Variants in MC4R observed in about 807,000 individuals in gnomAD.
MC4R encodes melanocortin receptor 4.
In MC4R, 15 loss-of-function variants were observed where a neutral mutation model predicts 16.1. That is an observed-to-expected ratio of 0.93 (90% CI 0.62 to 1.44). The LOEUF (loss-of-function observed/expected upper bound fraction) is 1.44. Among genes scored for constraint, MC4R ranks in the 40% most tolerant of loss-of-function variants. MC4R has a pLI of 0.00. For missense variants in MC4R, 416 were observed against 411.4 expected, an observed-to-expected ratio of 1.01 and a Z score of -0.10; for synonymous variants, 162 against 151.7, an observed-to-expected ratio of 1.07 and a Z score of -0.50.
In MC4R at chr18:60,372,150, A is replaced by C; in HGVS notation, c.200T>G (p.Val67Gly). ...ISLLENILVI[V>G]AIAKNKNLHS... ...CAGATTCTTGTTCTTGGCTATTGCC[A>C]CAATCACTAAGATATTCTCCAACAA... Residue 67 changes from valine to glycine, a missense_variant, in exon 1 of 1, where the codon GTG becomes GGG. By Grantham distance (109) the Val-to-Gly change is moderately radical. Coordinates refer to ENST00000299766, the MANE Select transcript of MC4R (RefSeq NM_005912.3). The C allele has an allele frequency of 6.2e-7, 1 of 1,614,256 alleles. No homozygotes were observed. Among genetic ancestry groups the C allele is most frequent in the African/African-American group, 1.3e-5 (1 of 75,076 alleles).
At position 60,371,314 on chromosome 18, in the gene MC4R, C is replaced by G. The variant is rs377576645; in HGVS notation, c.*37G>C. 6 of 1,610,716 alleles carry G rather than the reference C, an allele frequency of 3.7e-6. No homozygotes were observed. In the African/African-American group the frequency reaches 8.0e-5, roughly 22 times the overall value. On this transcript the variant is annotated 3_prime_UTR_variant, in exon 1 of 1. Coordinates refer to ENST00000299766, the MANE Select transcript of MC4R (RefSeq NM_005912.3). ...AGGTAGGGTAAGAGTGAAAAAGTCT[C>G]TTATGCATGTTCCTATATTGCGTGC...
rs121913563 is a variant in MC4R at position 60,371,827 on chromosome 18, C to T, written c.523G>A (p.Ala175Thr). 2.8e-4 allele frequency: 447 copies of T among 1,613,960 alleles called. 3 individuals are homozygous for T. The highest frequency in any genetic ancestry group is 2.3e-4 in the Admixed American group (14 of 59,998). The change falls in exon 1 of 1, where the codon GCA becomes ACA. Residue 175 changes from alanine to threonine, a missense_variant. By Grantham distance (58) the Ala-to-Thr change is moderately conservative. Coordinates refer to ENST00000299766, the MANE Select transcript of MC4R (RefSeq NM_005912.3). Reference sequence around the variant, plus strand: ...AAAATGCCTGAAACCGTGCAAGCTGCCCAGATACAACTTATGATGATCCCA... The same window carrying T: ...AAAATGCCTGAAACCGTGCAAGCTGTCCAGATACAACTTATGATGATCCCA... Reference protein sequence around the residue: ...RVGIIISCIWAACTVSGILFI... With the variant: ...RVGIIISCIWTACTVSGILFI...
chr18:60,371,696 C>T lies in MC4R; in HGVS notation c.654G>A (p.Met218Ile), dbSNP rs1426984702. Reference protein sequence around the residue: ...MASLYVHMFLMARLHIKRIAV... With the variant: ...MASLYVHMFLIARLHIKRIAV... Reference sequence around the variant, plus strand: ...CAATCCTCTTAATGTGAAGCCTGGCCATCAGGAACATGTGGACATAGAGAG... The same window carrying T: ...CAATCCTCTTAATGTGAAGCCTGGCTATCAGGAACATGTGGACATAGAGAG... The change falls in exon 1 of 1, where the codon ATG (methionine) becomes ATA (isoleucine). Residue 218 changes from methionine to isoleucine, a missense_variant. By Grantham distance (10) the Met-to-Ile change is conservative. Coordinates refer to ENST00000299766, the MANE Select transcript of MC4R (RefSeq NM_005912.3). 6.2e-7 allele frequency: 1 copy of T among 1,614,120 alleles called. No individual in the cohort carries two copies. The highest frequency in any genetic ancestry group is 1.7e-5 in the Admixed American group (1 of 60,030).
At position 60,371,901 on chromosome 18, in the gene MC4R, G is replaced by A. The variant is rs766665118; in HGVS notation, c.449C>T (p.Thr150Ile). 1.7e-5 allele frequency: 28 copies of A among 1,614,050 alleles called. No individual in the cohort carries two copies. The Admixed American group carries it at 3.5e-4, about 20-fold the overall frequency. ...ATGGTACTGGAGAGCATAGAAGATA[G>A]TAAAGTACCTGTCCACTGCAATTGA... ...LLSIAVDRYF[T>I]IFYALQYHNI... Residue 150 changes from threonine to isoleucine, a missense_variant, in exon 1 of 1, where the codon ACT (threonine) becomes ATT (isoleucine). Transcript: ENST00000299766.
rs1915325408 is a variant in MC4R, at chr18:60,371,093, T to C, written c.*258A>G. 2 of 462,612 alleles carry C rather than the reference T, an allele frequency of 4.3e-6. No homozygotes were observed. The highest frequency in any genetic ancestry group is 4.5e-5 in the South Asian group (2 of 44,648). 28.7% of individuals were successfully genotyped at this position (462,612 alleles called of 1,614,324 possible). A position where few individuals can be genotyped will look rare whatever the true frequency, so the allele number is the denominator to read the frequency against. On this transcript the variant is annotated 3_prime_UTR_variant, in exon 1 of 1. Transcript: ENST00000299766. Reference sequence around the variant, plus strand: ...GTTAAGCTTTTAATAAGGACTTTTCTTTTTGTAAATCCACAGTGCCTACAA... The same window carrying C: ...GTTAAGCTTTTAATAAGGACTTTTCCTTTTGTAAATCCACAGTGCCTACAA...
rs1363347811 is a variant in MC4R, at chr18:60,371,659, C to T, written c.691G>A (p.Gly231Ser). Reference protein sequence around the residue: ...LHIKRIAVLPGTGAIRQGANM... With the variant: ...LHIKRIAVLPSTGAIRQGANM... The stretch of plus-strand genomic sequence containing the variant: ...GCACCTTGGCGGATGGCACCAGTGC[C>T]GGGGAGGACAGCAATCCTCTTAATG... The change falls in exon 1 of 1, where the codon GGC becomes AGC. Residue 231 changes from glycine to serine, a missense_variant. By Grantham distance (56) the Gly-to-Ser change is moderately conservative. Transcript: ENST00000299766. 2.9e-5 allele frequency: 46 copies of T among 1,613,974 alleles called. 1 individual carries two copies. Among genetic ancestry groups the T allele is most frequent in the Middle Eastern group, 1.6e-4 (1 of 6,084 alleles).
rs13447338 is a variant in MC4R at position 60,371,715 on chromosome 18, TAGAG to T, written c.631_634del (p.Leu211MetfsTer6). ...CCTGGCCATCAGGAACATGTGGACA[TAGAG>T]AGAAGCCATGAGAGCCAGCATGGTG... On this transcript the variant is annotated frameshift_variant, in exon 1 of 1. Transcript: ENST00000299766. LOFTEE classifies it high-confidence loss of function. 9.9e-6 allele frequency: 16 copies of T among 1,613,892 alleles called. No individual in the cohort carries two copies. The highest frequency in any genetic ancestry group is 2.2e-5 in the East Asian group (1 of 44,884).
In MC4R at chr18:60,372,159, A is replaced by G. The variant is rs1457998784; in HGVS notation, c.191T>C (p.Leu64Ser). The change falls in exon 1 of 1, where the codon TTA (leucine) becomes TCA (serine). Residue 64 changes from leucine to serine, a missense_variant. Transcript: ENST00000299766. Reference sequence around the variant, plus strand: ...GTTCTTGGCTATTGCCACAATCACTAAGATATTCTCCAACAAGCTGATGAC... The same window carrying G: ...GTTCTTGGCTATTGCCACAATCACTGAGATATTCTCCAACAAGCTGATGAC... ...LGVISLLENI[L>S]VIVAIAKNKN... 1 of 1,614,234 alleles carries G rather than the reference A, an allele frequency of 6.2e-7. No individual in the cohort carries two copies. The highest frequency in any genetic ancestry group is 1.7e-5 in the Admixed American group (1 of 60,034).
In MC4R at chr18:60,371,566, A is replaced by G. The variant is rs1490702722; in HGVS notation, c.784T>C (p.Phe262Leu). The G allele has an allele frequency of 3.7e-6, 6 of 1,614,130 alleles. No homozygotes were observed. Among genetic ancestry groups the G allele is most frequent in the Non-Finnish European group, 5.1e-6 (6 of 1,180,052 alleles). Residue 262 changes from phenylalanine to leucine, a missense_variant, in exon 1 of 1, where the codon TTC becomes CTC. Coordinates refer to ENST00000299766, the MANE Select transcript of MC4R (RefSeq NM_005912.3). ...GVFVVCWAPF[F>L]LHLIFYISCP... is the part of the protein sequence containing the mutation. The stretch of plus-strand genomic sequence containing the variant: ...GAGATGTAGAATATTAAGTGGAGGA[A>G]GAATGGGGCCCAGCAGACAACAAAG...
At position 60,372,579 on chromosome 18, in the gene MC4R, A is replaced by G; in HGVS notation, c.-230T>C. Reference sequence around the variant, plus strand: ...TAAAATCTTGGGCTTCAAAATATTCATTCTCAGTTGAAAGAGTCTGCTCTT... The same window carrying G: ...TAAAATCTTGGGCTTCAAAATATTCGTTCTCAGTTGAAAGAGTCTGCTCTT... On this transcript the variant is annotated 5_prime_UTR_variant, in exon 1 of 1. An upstream start codon of the reference 5' UTR is lost. Coordinates refer to ENST00000299766, the MANE Select transcript of MC4R (RefSeq NM_005912.3). 1 of 589,216 alleles carries G rather than the reference A, an allele frequency of 1.7e-6. No individual in the cohort carries two copies. Among genetic ancestry groups the G allele is most frequent in the Non-Finnish European group, 3.1e-6 (1 of 322,248 alleles). The allele number at this position is 589,216 out of a possible 1,614,324, so 36.5% of individuals were successfully genotyped here. A position where few individuals can be genotyped will look rare whatever the true frequency, so the allele number is the denominator to read the frequency against.
At position 60,372,459 on chromosome 18, in the gene MC4R, A is replaced by C; in HGVS notation, c.-110T>G. ...TATCTGTCTGAAAGTTGTGAGGCTA[A>C]AATTGCCATGCCTGCTGTGAGTAAA... On this transcript the variant is annotated 5_prime_UTR_variant, in exon 1 of 1. Transcript: ENST00000299766. 1 of 1,208,056 alleles carries C rather than the reference A, an allele frequency of 8.3e-7. No individual in the cohort carries two copies. The highest frequency in any genetic ancestry group is 2.5e-5 in the East Asian group (1 of 39,746). 74.8% of individuals were successfully genotyped at this position (1,208,056 alleles called of 1,614,324 possible).
rs558814849 is a variant in MC4R at position 60,372,381 on chromosome 18, T to C, written c.-32A>G. ...AGGAGAATTCCAGTGTCCCCCTGAA[T>C]TGATTTAACCTCCTGGGTCAGGGAG... On this transcript the variant is annotated 5_prime_UTR_variant, in exon 1 of 1. Coordinates refer to ENST00000299766, the MANE Select transcript of MC4R (RefSeq NM_005912.3). 6 of 1,612,392 alleles carry C rather than the reference T, an allele frequency of 3.7e-6. No homozygotes were observed. The African/African-American group carries it at 5.3e-5, about 14-fold the overall frequency.
chr18:60,371,145 G>T lies in MC4R; in HGVS notation c.*206C>A. 1 of 579,204 alleles carries T rather than the reference G, an allele frequency of 1.7e-6. No homozygotes were observed. The highest frequency in any genetic ancestry group is 3.0e-6 in the Non-Finnish European group (1 of 329,196). The allele number at this position is 579,204 out of a possible 1,614,324, so 35.9% of individuals were successfully genotyped here. A position where few individuals can be genotyped will look rare whatever the true frequency, so the allele number is the denominator to read the frequency against. On this transcript the variant is annotated 3_prime_UTR_variant, in exon 1 of 1. Transcript: ENST00000299766. ...CTATAACATAGATTCATATTTTATG[G>T]CCAAAAAAGTAGCATGACATTGGAA... is the stretch of plus-strand genomic sequence containing the variant.
chr18:60,371,109 G>A lies in MC4R; in HGVS notation c.*242C>T. ...GGACTTTTCTTTTTGTAAATCCACAGTGCCTACAACCTATAACATAGATTC... is the reference window on the plus strand; with the variant it reads ...GGACTTTTCTTTTTGTAAATCCACAATGCCTACAACCTATAACATAGATTC... On this transcript the variant is annotated 3_prime_UTR_variant, in exon 1 of 1. Transcript: ENST00000299766. The A allele has an allele frequency of 2.0e-6, 1 of 498,868 alleles. No individual in the cohort carries two copies. 30.9% of individuals were successfully genotyped at this position (498,868 alleles called of 1,614,324 possible).
chr18:60,372,680 C>T lies in MC4R; in HGVS notation c.-331G>A. ...CTGTTCAAAATAATTTTCCTTGAAG[C>T]TGCCATGCCATTGGGAGACGAATCT... On this transcript the variant is annotated 5_prime_UTR_variant, in exon 1 of 1. Transcript: ENST00000299766. 1 of 368,190 alleles carries T rather than the reference C, an allele frequency of 2.7e-6. No homozygotes were observed. Among genetic ancestry groups the T allele is most frequent in the South Asian group, 2.5e-5 (1 of 39,406 alleles). The allele number at this position is 368,190 out of a possible 1,614,324, so 22.8% of individuals were successfully genotyped here.
At position 60,371,450 on chromosome 18, in the gene MC4R, CA is replaced by C; in HGVS notation, c.899del (p.Leu300ArgfsTer10). 1 of 1,614,148 alleles carries C rather than the reference CA, an allele frequency of 6.2e-7. No individual in the cohort carries two copies. ...LIMCNSIIDP[L>X]IYALRSQELR... Reference sequence around the variant, plus strand: ...GTTCTTGACTCCGGAGTGCATAAATCAGAGGATCGATGATTGAATTACACAT... The same window carrying C: ...GTTCTTGACTCCGGAGTGCATAAATCGAGGATCGATGATTGAATTACACAT... On this transcript the variant is annotated frameshift_variant, in exon 1 of 1. Coordinates refer to ENST00000299766, the MANE Select transcript of MC4R (RefSeq NM_005912.3). LOFTEE classifies it high-confidence loss of function.
rs1200615846 is a variant in MC4R at position 60,371,123 on chromosome 18, T to A, written c.*228A>T. On this transcript the variant is annotated 3_prime_UTR_variant, in exon 1 of 1. Coordinates refer to ENST00000299766, the MANE Select transcript of MC4R (RefSeq NM_005912.3). ...GTAAATCCACAGTGCCTACAACCTA[T>A]AACATAGATTCATATTTTATGGCCA... 1.9e-6 allele frequency: 1 copy of A among 538,480 alleles called. No homozygotes were observed. The highest frequency in any genetic ancestry group is 3.3e-6 in the Non-Finnish European group (1 of 301,006). 33.4% of individuals were successfully genotyped at this position (538,480 alleles called of 1,614,324 possible).
Position 60,371,164 on chromosome 18 carries a change from A to C in MC4R, c.*187T>G, listed in dbSNP as rs563900766. 37 of 629,578 alleles carry C rather than the reference A, an allele frequency of 5.9e-5. No individual in the cohort carries two copies. The African/African-American group carries it at 6.8e-4, about 12-fold the overall frequency. The allele number at this position is 629,578 out of a possible 1,614,324, so 39.0% of individuals were successfully genotyped here. On this transcript the variant is annotated 3_prime_UTR_variant, in exon 1 of 1. Coordinates refer to ENST00000299766, the MANE Select transcript of MC4R (RefSeq NM_005912.3). ...TTTATGGCCAAAAAAGTAGCATGAC[A>C]TTGGAAATAATACAGAGACTGGGCA...
rs1019969912 is a variant in MC4R, at chr18:60,372,600, C to G, written c.-251G>C. 9.0e-6 allele frequency: 5 copies of G among 556,744 alleles called. No individual in the cohort carries two copies. The highest frequency in any genetic ancestry group is 1.7e-5 in the Non-Finnish European group (5 of 301,274). 34.5% of individuals were successfully genotyped at this position (556,744 alleles called of 1,614,324 possible). A position where few individuals can be genotyped will look rare whatever the true frequency, so the allele number is the denominator to read the frequency against. On this transcript the variant is annotated 5_prime_UTR_variant, in exon 1 of 1. Transcript: ENST00000299766. ...ATTCATTCTCAGTTGAAAGAGTCTG[C>G]TCTTTGCTTTCTTGTTCTCACTTCT...
Sources: gnomAD v4.1 joint callset for allele counts on GRCh38, gnomAD v4.1.1 for gene constraint, MANE v1.5 for transcripts, NCBI Gene and HGNC (gene_info 2026-07-23, HGNC 2026-07-21) for gene names.